MYO1D: variants seen among roughly 807,000 people sequenced by gnomAD.
MYO1D encodes the protein myosin ID, also known as unconventional myosin-Id.
Under a neutral mutation model 122.0 loss-of-function variants are expected in MYO1D, and 83 were observed. That is an observed-to-expected ratio of 0.68 (90% CI 0.57 to 0.82). The LOEUF (loss-of-function observed/expected upper bound fraction) is 0.82. Ranked by LOEUF, MYO1D falls within the 40% of genes least tolerant of loss-of-function variation. The pLI, the probability that MYO1D is intolerant of heterozygous loss-of-function variation, is 0.00. For synonymous variants in MYO1D, 464 were observed against 446.9 expected, an observed-to-expected ratio of 1.04 and a Z score of -0.48; for missense variants, 1,157 against 1,269.5, an observed-to-expected ratio of 0.91 and a Z score of 1.35.
Position 32,720,892 on chromosome 17 carries a change from G to C in MYO1D, c.1913+131C>G. The C allele has an allele frequency of 4.2e-6, 4 of 953,216 alleles. No individual in the cohort carries two copies. The South Asian group carries it at 1.0e-4, about 25-fold the overall frequency. The allele number at this position is 953,216 out of a possible 1,614,324, so 59.0% of individuals were successfully genotyped here. A position where few individuals can be genotyped will look rare whatever the true frequency, so the allele number is the denominator to read the frequency against. The stretch of plus-strand genomic sequence containing the variant: ...GAAACTGGGAAAGTCTTTCATATTT[G>C]TAATTTCCTCAGCTCTTTTGTTCAC... On this transcript the variant is annotated intron_variant, in intron 15 of 21. Coordinates refer to ENST00000318217, the MANE Select transcript of MYO1D (RefSeq NM_015194.3).
At chr17:32,511,578 A>G (rs1909697142) in intron 21 of MYO1D, among the ~76,000 whole-genome samples, 1 of 150,814 alleles carries the variant, frequency 6.6e-6, no homozygotes, top group Admixed American at 6.6e-5. Context: ...CATGTTTGAA[A>G]GAGGTTTTCG....
chr17:32,823,575 T>C (rs1308288690), intron 1 of MYO1D, among the ~76,000 whole-genome samples: 1 of 152,068 alleles, frequency 6.6e-6, no homozygotes, highest in Non-Finnish European at 1.5e-5. Flanking sequence ...ATATCCCCAA[T>C]TTGGCGAAAT....
At chr17:32,623,226 A>G (rs1347009235) in intron 20 of MYO1D, among the ~76,000 whole-genome samples, 2 of 152,226 alleles carry the variant, frequency 1.3e-5, no homozygotes, top group East Asian at 1.9e-4. Context: ...GTCTATGCTT[A>G]GATATGGTTC....
chr17:32,517,205 C>T (rs1459507330), intron 21 of MYO1D, among the ~76,000 whole-genome samples: 1 of 152,204 alleles, frequency 6.6e-6, no homozygotes, highest in African/African-American at 2.4e-5. Context: ...CACTGCTGCC[C>T]AGGCAAATCT....
At chr17:32,843,638 C>T (rs1190374981) in intron 1 of MYO1D, among the ~76,000 whole-genome samples, 5 of 152,166 alleles carry the variant, frequency 3.3e-5, no homozygotes, top group African/African-American at 1.2e-4. Context: ...GAATGGTTTA[C>T]AGATCCAGCT....
At chr17:32,708,404 T>C (rs1261252297) in intron 16 of MYO1D, among the ~76,000 whole-genome samples, 1 of 152,226 alleles carries the variant, frequency 6.6e-6, no homozygotes, top group Admixed American at 6.5e-5. Context: ...AAATTTGTTC[T>C]TACAATGAGC....
intron 1 of MYO1D, among the ~76,000 whole-genome samples, chr17:32,859,932 T>A (rs1260079513): frequency 6.6e-6 from 1 of 152,148 alleles, no homozygotes. Flanking sequence ...AAATGAGAAA[T>A]CTATCATCAG....
At chr17:32,854,460 A>G (rs2091012431) in intron 1 of MYO1D, among the ~76,000 whole-genome samples, 1 of 152,272 alleles carries the variant, frequency 6.6e-6, no homozygotes, top group African/African-American at 2.4e-5. Context: ...AAAGGAATCA[A>G]CTTCAGTTCT....
chr17:32,683,849 G>A (rs1201491724), intron 16 of MYO1D, among the ~76,000 whole-genome samples: 2 of 151,796 alleles, frequency 1.3e-5, no homozygotes, highest in South Asian at 2.1e-4. Flanking sequence ...CCCCAGCCTC[G>A]TTGCCGCCTT....
chr17:32,522,690 G>C (rs1022096041), intron 21 of MYO1D, among the ~76,000 whole-genome samples: 1 of 152,110 alleles, frequency 6.6e-6, no homozygotes, highest in Admixed American at 6.5e-5. Flanking sequence ...ACGGAAAAAC[G>C]AGTGGGGTAG....
At chr17:32,592,933 G>C (rs149094159) in intron 21 of MYO1D, among the ~76,000 whole-genome samples, 3 of 152,228 alleles carry the variant, frequency 2.0e-5, no homozygotes, top group Admixed American at 6.5e-5. Context: ...CTTCTTTCGG[G>C]AAATGCTGGC....
chr17:32,534,458 C>T (rs1910600807), intron 21 of MYO1D, among the ~76,000 whole-genome samples: 1 of 152,158 alleles, frequency 6.6e-6, no homozygotes, highest in East Asian at 1.9e-4. Flanking sequence ...CAGGTATGAG[C>T]CACTGCGCCC....
At chr17:32,521,394 T>G (rs941497163) in intron 21 of MYO1D, among the ~76,000 whole-genome samples, 1 of 152,214 alleles carries the variant, frequency 6.6e-6, no homozygotes, top group African/African-American at 2.4e-5. Context: ...GCAGACTTCA[T>G]GTGATGAAGG....
intron 1 of MYO1D, among the ~76,000 whole-genome samples, chr17:32,808,063 G>C (rs1412322228): frequency 6.6e-6 from 1 of 152,068 alleles, no homozygotes; most frequent in Non-Finnish European, 1.5e-5. Context: ...ACCCAAACAA[G>C]CATTTCTGTG....
At chr17:32,586,295 G>GT (rs2087386516) in intron 21 of MYO1D, among the ~76,000 whole-genome samples, 1 of 152,162 alleles carries the variant, frequency 6.6e-6, no homozygotes, top group Admixed American at 6.5e-5. Context: ...TTCTCTGGTG[G>GT]TAAGTTTCTC....
chr17:32,764,732 C>T (rs1001408810), intron 8 of MYO1D, 146 bp downstream of exon 8: 11 of 856,418 alleles, frequency 1.3e-5, no homozygotes, highest in African/African-American at 3.4e-5. Context: ...GGAGTTTTAC[C>T]GAGGCTTGTA....
At chr17:32,676,523 T>G (rs2088811816) in intron 16 of MYO1D, among the ~76,000 whole-genome samples, 1 of 152,076 alleles carries the variant, frequency 6.6e-6, no homozygotes, top group Non-Finnish European at 1.5e-5. Flanking sequence ...CAGGAGGAAT[T>G]TTGCTAGGTG....
chr17:32,665,634 G>A (rs182121137), intron 16 of MYO1D, among the ~76,000 whole-genome samples: 1 of 152,144 alleles, frequency 6.6e-6, no homozygotes, highest in African/African-American at 2.4e-5. Context: ...TTTTTGCACT[G>A]TTCCTTGTAT....
intron 21 of MYO1D, among the ~76,000 whole-genome samples, chr17:32,554,354 C>T (rs896040062): frequency 2.0e-5 from 3 of 152,298 alleles, no homozygotes; most frequent in Admixed American, 6.5e-5. Flanking sequence ...AACTGCAACA[C>T]CTAGTTAATT....
Sources: allele counts gnomAD v4.1 joint callset (sites outside exome capture counted in the v4.1 genomes callset), GRCh38; gene constraint gnomAD v4.1.1; transcripts MANE v1.5; gene names NCBI Gene and HGNC (gene_info 2026-07-23, HGNC 2026-07-21).